SCN9A: variants seen among roughly 807,000 people sequenced by gnomAD.
The protein encoded by SCN9A is sodium channel protein type 9 subunit alpha.
SCN9A carries 131 observed loss-of-function variants against 187.0 expected under a neutral mutation model. The observed-to-expected ratio is 0.70, with a 90% CI of 0.61 to 0.81. SCN9A has a LOEUF of 0.81. SCN9A is among the 30% of genes least tolerant of loss of function. SCN9A has a pLI of 0.00. For synonymous variants in SCN9A, 809 were observed against 808.6 expected (o/e 1.00, Z -0.01); for missense variants, 2,252 against 2,396.6 (o/e 0.94, Z 1.26).
chr2:166,365,360 T>G (rs1374335728), intron 1 of SCN9A, among the ~76,000 whole-genome samples: 1 of 152,140 alleles, frequency 6.6e-6, no homozygotes, highest in Admixed American at 6.6e-5. Flanking sequence ...AATTAGAAAC[T>G]TCTCAAACAT....
chr2:166,232,632 A>T (rs1019799254), intron 21 of SCN9A, among the ~76,000 whole-genome samples: 5 of 151,710 alleles, frequency 3.3e-5, no homozygotes, highest in Non-Finnish European at 5.9e-5. Context: ...GAAAAAAGTC[A>T]CTCATTTGGA....
intron 24 of SCN9A, among the ~76,000 whole-genome samples, chr2:166,216,968 G>C (rs1006812104): frequency 6.6e-6 from 1 of 151,876 alleles, no homozygotes; most frequent in African/African-American, 2.4e-5. Flanking sequence ...GCAATACTCT[G>C]TCATTTCAAA....
chr2:166,286,956 G>T (rs1022259471), intron 10 of SCN9A, among the ~76,000 whole-genome samples: 3 of 152,114 alleles, frequency 2.0e-5, no homozygotes, highest in African/African-American at 7.2e-5. Flanking sequence ...CATGCAATAA[G>T]ACAGACAATT....
intron 1 of SCN9A, among the ~76,000 whole-genome samples, chr2:166,374,112 C>G (rs1180162780): frequency 6.6e-6 from 1 of 152,110 alleles, no homozygotes; most frequent in African/African-American, 2.4e-5. Context: ...GAAAGGAGGC[C>G]CAAGATGCTT....
At position 166,280,587 on chromosome 2, in the gene SCN9A, C is replaced by T. The variant is rs1373294185; in HGVS notation, c.2113G>A (p.Glu705Lys). The T allele has an allele frequency of 6.4e-7, 1 of 1,565,696 alleles. No individual in the cohort carries two copies. The highest frequency in any genetic ancestry group is 1.7e-4 in the Middle Eastern group (1 of 5,972). Residue 705 changes from glutamate (E) to lysine (K), a missense_variant, in exon 14 of 27, where the codon GAG becomes AAG. Physicochemically the swap from Glu to Lys is moderately conservative, Grantham distance 56 (BLOSUM62 1). Around this residue, in one of 7 missense-constraint regions of SCN9A, gnomAD observed 1,013 missense variants for 997.4 expected, o/e 1.02. Transcript: ENST00000642356. ...CAAGGTGGACATTTTTGTCTGGACT[C>T]TTCAAGTTCTGGGAGAAAAAAGCAG... ...ILTNTVEELE[E>K]SRQKCPPWWY...
chr2:166,320,530 C>A (rs1163769694), intron 1 of SCN9A, among the ~76,000 whole-genome samples: 1 of 152,136 alleles, frequency 6.6e-6, no homozygotes, highest in African/African-American at 2.4e-5. Flanking sequence ...CTCAAAGTTA[C>A]AGTAAAGATT....
At chr2:166,258,453 T>C (rs1696371541) in intron 17 of SCN9A, among the ~76,000 whole-genome samples, 1 of 151,558 alleles carries the variant, frequency 6.6e-6, no homozygotes, top group African/African-American at 2.4e-5. Flanking sequence ...TGAACACTTA[T>C]CACTTATTCA....
intron 10 of SCN9A, 138 bp from the exon 11 acceptor site, chr2:166,286,761 CT>C: frequency 1.7e-6 from 1 of 590,324 alleles, no homozygotes; most frequent in Non-Finnish European, 2.6e-6. Context: ...TGATCGTTTT[CT>C]TTACACAATG....
chr2:166,263,081 T>C (rs1360086467), intron 17 of SCN9A, among the ~76,000 whole-genome samples: 1 of 151,900 alleles, frequency 6.6e-6, no homozygotes, highest in Non-Finnish European at 1.5e-5. Flanking sequence ...CCTTCTCCCC[T>C]GGAAAGGTAA....
In SCN9A at chr2:166,195,619, C is replaced by T. The variant is rs199656729; in HGVS notation, c.*3053G>A. 8 of 152,168 alleles carry T rather than the reference C, an allele frequency of 5.3e-5. No homozygotes were observed. Among genetic ancestry groups the T allele is most frequent in the Non-Finnish European group, 1.5e-5 (1 of 68,022 alleles). 9.4% of individuals were successfully genotyped at this position (152,168 alleles called of 1,614,324 possible). On this transcript the variant is annotated 3_prime_UTR_variant, in exon 27 of 27. Coordinates refer to ENST00000642356, the MANE Select transcript of SCN9A (RefSeq NM_001365536.1). ...TAAAGCTATCAAAACTCTATAAAAT[C>T]ATGCTAAGTATTTTGGGTTGTGATG...
intron 5 of SCN9A, among the ~76,000 whole-genome samples, chr2:166,305,165 G>A (rs1440775606): frequency 6.6e-6 from 1 of 151,904 alleles, no homozygotes; most frequent in East Asian, 1.9e-4. Flanking sequence ...GTCATTAACG[G>A]AAAATAGAAT....
chr2:166,341,785 T>C lies in SCN9A; in HGVS notation c.-50-29979A>G, dbSNP rs78428931. On this transcript the variant is annotated intron_variant, in intron 1 of 26. Coordinates refer to ENST00000642356, the MANE Select transcript of SCN9A (RefSeq NM_001365536.1). ...AAAAGGAAGAGGAATTGCTGTTTCA[T>C]TTCTTTATTATTTTCTTAATTGCTT... Among the ~76,000 whole-genome samples the C allele has an allele frequency of 4.0e-3, 614 of 152,356 alleles. 20 individuals are homozygous for C. The East Asian group carries it at 0.081, about 20-fold the overall frequency.
chr2:166,338,878 A>G (rs1159449407), intron 1 of SCN9A, among the ~76,000 whole-genome samples: 1 of 152,170 alleles, frequency 6.6e-6, no homozygotes, highest in Non-Finnish European at 1.5e-5. Flanking sequence ...TGCTCAAGGT[A>G]ACACAGCTGT....
intron 19 of SCN9A, 114 bp from the exon 20 acceptor site, chr2:166,238,381 C>T: frequency 1.4e-6 from 1 of 705,060 alleles, no homozygotes; most frequent in Non-Finnish European, 2.3e-6. Context: ...ATAATATTGA[C>T]ATGGGCCAGC....
intron 9 of SCN9A, among the ~76,000 whole-genome samples, chr2:166,292,124 G>A (rs1312065483): frequency 1.3e-5 from 2 of 152,110 alleles, no homozygotes; most frequent in Non-Finnish European, 2.9e-5. Flanking sequence ...TAACATCAGA[G>A]TGAACAGGCA....
chr2:166,372,550 T>C (rs972533406), intron 1 of SCN9A, among the ~76,000 whole-genome samples: 3 of 152,156 alleles, frequency 2.0e-5, no homozygotes, highest in Non-Finnish European at 4.4e-5. Context: ...AAAATATATT[T>C]TAATACATTT....
chr2:166,294,700 ACT>A, intron 7 of SCN9A, 38 bp from the exon 8 acceptor site: 1 of 1,387,026 alleles, frequency 7.2e-7, no homozygotes, highest in Non-Finnish European at 1.0e-6. Flanking sequence ...AACATCACAG[ACT>A]TTAATCTGTG....
chr2:166,282,973 T>G (rs1221521363), intron 12 of SCN9A, among the ~76,000 whole-genome samples: 1 of 152,200 alleles, frequency 6.6e-6, no homozygotes. Flanking sequence ...TGTTTTCATA[T>G]AAACCATATA....
In SCN9A at chr2:166,230,907, G is replaced by A. The variant is rs73017581; in HGVS notation, c.3925-1935C>T. On this transcript the variant is annotated intron_variant, in intron 21 of 26. Coordinates refer to ENST00000642356, the MANE Select transcript of SCN9A (RefSeq NM_001365536.1). ...GTCTGATGAGAAGCCAGTTGGGAAA[G>A]CTAAAGAGCCTAAGGACTCAAACAA... 2.4e-3 allele frequency among the ~76,000 whole-genome samples: 358 copies of A among 152,224 alleles called. 1 individual carries two copies. Among genetic ancestry groups the A allele is most frequent in the African/African-American group, 8.4e-3 (347 of 41,550 alleles).
Sources: gnomAD v4.1 joint callset for allele counts (sites outside exome capture counted in the v4.1 genomes callset) on GRCh38, gnomAD v4.1.1 for gene constraint, gnomAD v4.1.1 regional missense constraint, MANE v1.5 for transcripts, NCBI Gene and HGNC (gene_info 2026-07-23, HGNC 2026-07-21) for gene names.